Variants in GOSR2 observed in about 807,000 individuals in gnomAD.
GOSR2 encodes the protein 27 kDa Golgi SNARE protein.
GOSR2 carries 20 observed loss-of-function variants against 27.9 expected under a neutral mutation model. The ratio of observed to expected loss-of-function variants is 0.72; its 90% CI spans 0.50 to 1.04. GOSR2 has a LOEUF of 1.04. Ranked by LOEUF, GOSR2 falls within the 50% of genes least tolerant of loss-of-function variation. The pLI is 0.00. For missense variants in GOSR2, 261 were observed against 270.5 expected, an observed-to-expected ratio of 0.97 and a Z score of 0.25; for synonymous variants, 91 against 98.8, an observed-to-expected ratio of 0.92 and a Z score of 0.47.
At chr17:46,953,041 TA>T (rs1332592783) in intron 6 of GOSR2, among the ~76,000 whole-genome samples, 7 of 152,046 alleles carry the variant, frequency 4.6e-5, no homozygotes, top group Non-Finnish European at 1.0e-4. Context: ...TATTATTTTT[TA>T]TTTTTTTATT....
intron 6 of GOSR2, among the ~76,000 whole-genome samples, chr17:46,947,857 C>T (rs1394934353): frequency 2.6e-5 from 4 of 152,234 alleles, no homozygotes; most frequent in Admixed American, 6.5e-5. Flanking sequence ...TAACCTCCGC[C>T]TCCCGGGTTC....
At chr17:46,936,641 A>G in intron 5 of GOSR2, 1 of 985,186 alleles carries the variant, frequency 1.0e-6, no homozygotes, top group Non-Finnish European at 1.2e-6. Context: ...CTGAAAATGA[A>G]TACATTTTTT....
downstream of GOSR2, among the ~76,000 whole-genome samples, chr17:46,943,778 C>T (rs2089576426): frequency 6.6e-6 from 1 of 152,244 alleles, no homozygotes; most frequent in Non-Finnish European, 1.5e-5. Context: ...ACAGCAATGA[C>T]TGCAGTAAAA....
At chr17:46,928,825 T>G (rs1177914930) in intron 1 of GOSR2, among the ~76,000 whole-genome samples, 1 of 152,142 alleles carries the variant, frequency 6.6e-6, no homozygotes, top group African/African-American at 2.4e-5. Context: ...TTCTTCTATC[T>G]TCCTTCACCA....
At position 46,940,811 on chromosome 17, in the gene GOSR2, C is replaced by T; in HGVS notation, c.*2051C>T. The T allele has an allele frequency of 6.8e-7, 1 of 1,476,386 alleles. No individual in the cohort carries two copies. The highest frequency in any genetic ancestry group is 9.0e-7 in the Non-Finnish European group (1 of 1,115,486). 91.5% of individuals were successfully genotyped at this position (1,476,386 alleles called of 1,614,324 possible). On this transcript the variant is annotated 3_prime_UTR_variant, in exon 6 of 6. Transcript: ENST00000640051. ...GCAGAGGTGGTTTTTGGGTCTTTAC[C>T]ACCTGCGGCTGGTGGACAGCAGCCA...
downstream of GOSR2, among the ~76,000 whole-genome samples, chr17:46,970,748 G>C (rs1193268958): frequency 6.6e-6 from 1 of 152,164 alleles, no homozygotes; most frequent in African/African-American, 2.4e-5. Context: ...AGTGATGTTT[G>C]CATAAAAGAG....
chr17:46,953,976 T>C (rs1172151781), intron 6 of GOSR2, among the ~76,000 whole-genome samples: 1 of 152,226 alleles, frequency 6.6e-6, no homozygotes, highest in Non-Finnish European at 1.5e-5. Context: ...TTTCTCCCAT[T>C]CTGTAGGTTG....
intron 4 of GOSR2, chr17:46,933,185 T>A (rs1158988543): frequency 6.6e-6 from 1 of 152,262 alleles, no homozygotes; most frequent in Non-Finnish European, 1.5e-5. Flanking sequence ...GATGATCGCT[T>A]GGGATTATTT....
chr17:46,927,490 T>G (rs188821510), intron 1 of GOSR2, among the ~76,000 whole-genome samples: 1 of 152,342 alleles, frequency 6.6e-6, no homozygotes, highest in African/African-American at 2.4e-5. Context: ...TATGCACACC[T>G]GTATTTTCTT....
chr17:46,946,162 G>A (rs964664628), downstream of GOSR2, among the ~76,000 whole-genome samples: 4 of 151,996 alleles, frequency 2.6e-5, no homozygotes, highest in Non-Finnish European at 4.4e-5. Flanking sequence ...TAGGCTGGGC[G>A]CGGTGTCTCA....
chr17:46,974,926 G>A (rs1019701382), intron 6 of GOSR2, among the ~76,000 whole-genome samples: 11 of 150,268 alleles, frequency 7.3e-5, no homozygotes, highest in African/African-American at 2.2e-4. Context: ...TACTATTTTC[G>A]TCATGCTTAT....
chr17:46,970,548 A>C (rs961040674), downstream of GOSR2, among the ~76,000 whole-genome samples: 15 of 151,630 alleles, frequency 9.9e-5, no homozygotes, highest in African/African-American at 3.1e-4. Context: ...AAAAAAAAAA[A>C]AAAAAAAAAA....
chr17:46,934,968 G>C, intron 4 of GOSR2, 61 bp from the exon 5 acceptor site: 1 of 1,514,676 alleles, frequency 6.6e-7, no homozygotes, highest in Non-Finnish European at 9.2e-7. Flanking sequence ...AGACAGAGCA[G>C]TGAGACCCCA....
intron 6 of GOSR2, among the ~76,000 whole-genome samples, chr17:46,959,045 G>A (rs1020350507): frequency 6.6e-6 from 1 of 152,236 alleles, no homozygotes; most frequent in Non-Finnish European, 1.5e-5. Flanking sequence ...CTGCATGCAA[G>A]GCTGTCCTTA....
intron 6 of GOSR2, among the ~76,000 whole-genome samples, chr17:46,958,073 C>G (rs1026584375): frequency 4.9e-4 from 75 of 152,268 alleles, no homozygotes; most frequent in African/African-American, 1.7e-3. Flanking sequence ...GGTCACCTCA[C>G]CCGTAACCCA....
At chr17:46,928,744 A>G (rs1204891731) in intron 1 of GOSR2, among the ~76,000 whole-genome samples, 1 of 152,042 alleles carries the variant, frequency 6.6e-6, no homozygotes, top group Non-Finnish European at 1.5e-5. Context: ...CTCTCCCCCA[A>G]CCCGATTCCC....
At chr17:46,948,253 G>T (rs1015391837) in intron 6 of GOSR2, among the ~76,000 whole-genome samples, 1 of 152,214 alleles carries the variant, frequency 6.6e-6, no homozygotes, top group Non-Finnish European at 1.5e-5. Context: ...GCTGTGGCCA[G>T]TGCATACTGC....
chr17:46,949,759 G>A (rs1457670249), intron 6 of GOSR2, among the ~76,000 whole-genome samples: 1 of 152,228 alleles, frequency 6.6e-6, no homozygotes, highest in East Asian at 1.9e-4. Flanking sequence ...TCAGACTGGA[G>A]CAGGTGGAGC....
chr17:46,941,954 A>G lies in GOSR2; in HGVS notation c.*3194A>G. 2.0e-6 allele frequency: 2 copies of G among 985,292 alleles called. No individual in the cohort carries two copies. The highest frequency in any genetic ancestry group is 2.4e-6 in the Non-Finnish European group (2 of 829,832). The allele number at this position is 985,292 out of a possible 1,614,324, so 61.0% of individuals were successfully genotyped here. On this transcript the variant is annotated 3_prime_UTR_variant, in exon 6 of 6. Coordinates refer to ENST00000640051, the MANE Select transcript of GOSR2 (RefSeq NM_004287.5). ...TAGACAGAAAGCTTCTGTCTCAAAG[A>G]TGATCACATTGGTGTAAAGAGCAAA...
Sources: allele counts gnomAD v4.1 joint callset (sites outside exome capture counted in the v4.1 genomes callset), GRCh38; gene constraint gnomAD v4.1.1; transcripts MANE v1.5; gene names NCBI Gene and HGNC (gene_info 2026-07-23, HGNC 2026-07-21).